The following EPHA5 variants were observed in gnomAD, a reference collection of about 807,000 sequenced individuals.
The protein encoded by EPHA5 is EPH receptor A5, also known as ephrin type-A receptor 5.
A neutral mutation model predicts 105.0 loss-of-function variants in EPHA5; 60 were observed. The ratio of observed to expected loss-of-function variants is 0.57; its 90% CI spans 0.46 to 0.71. EPHA5 has a LOEUF of 0.71. Among genes scored for constraint, EPHA5 ranks in the 30% least tolerant of loss-of-function variants. The probability of loss-of-function intolerance (pLI) is 0.00; values close to 1 mark genes in which losing one functional copy is unlikely to be tolerated. For missense variants in EPHA5, 1,218 were observed against 1,274.7 expected (o/e 0.96, Z 0.68); for synonymous variants, 513 against 449.1 (o/e 1.14, Z -1.80).
intron 1 of EPHA5, among the ~76,000 whole-genome samples, chr4:65,664,012 A>G (rs1245884960): frequency 1.3e-5 from 2 of 151,992 alleles, no homozygotes; most frequent in Non-Finnish European, 2.9e-5. Context: ...CAAAATTTAT[A>G]TTTAAAATTG....
chr4:65,619,467 T>C, intron 2 of EPHA5, among the ~76,000 whole-genome samples: 1 of 152,182 alleles, frequency 6.6e-6, no homozygotes, highest in East Asian at 1.9e-4. Context: ...TATAAAGCTT[T>C]ATTCAACTTA....
chr4:65,490,380 C>A lies in EPHA5; in HGVS notation c.1399G>T (p.Ala467Ser). The A allele has an allele frequency of 2.5e-6, 4 of 1,613,108 alleles. No homozygotes were observed. The highest frequency in any genetic ancestry group is 3.4e-6 in the Non-Finnish European group (4 of 1,179,186). Residue 467 changes from alanine to serine, a missense_variant, in exon 5 of 17, where the codon GCA (alanine) becomes TCA (serine). Transcript: ENST00000613740. The part of the protein sequence containing the change: ...YVSVNVTTNQ[A>S]APSPVTNVKK... Reference sequence around the variant, plus strand: ...TTGGGTTGGGCATGGCACTTACCTGCTTGATTTGTGGTTACATTTACAGAC... The same window carrying A: ...TTGGGTTGGGCATGGCACTTACCTGATTGATTTGTGGTTACATTTACAGAC...
chr4:65,348,731 GTATATATATGTGTGTGCA>G (rs1722497720), intron 13 of EPHA5, among the ~76,000 whole-genome samples: 1 of 112,434 alleles, frequency 8.9e-6, no homozygotes, highest in Non-Finnish European at 1.9e-5. Context: ...ATATGTGTGT[GTATATATATGTGTGTGCA>G]TATATATATG....
chr4:65,328,888 C>A (rs1442201342), intron 16 of EPHA5, among the ~76,000 whole-genome samples: 1 of 151,004 alleles, frequency 6.6e-6, no homozygotes, highest in Non-Finnish European at 1.5e-5. Flanking sequence ...TTCAATTAAT[C>A]TGTAAAGATT....
chr4:65,447,990 G>C (rs1200214862), intron 5 of EPHA5, among the ~76,000 whole-genome samples: 1 of 152,054 alleles, frequency 6.6e-6, no homozygotes, highest in Admixed American at 6.6e-5. Context: ...ATAGATGAAA[G>C]TGATAGATAT....
Position 65,554,981 on chromosome 4 carries a change from C to CAAAAAA in EPHA5, c.910+46654_910+46659dup, listed in dbSNP as rs71205383. 3.2e-3 allele frequency among the ~76,000 whole-genome samples: 300 copies of CAAAAAA among 92,492 alleles called. 4 individuals are homozygous for CAAAAAA. The highest frequency in any genetic ancestry group is 7.5e-3 in the East Asian group (19 of 2,530). The allele number at this position is 92,492 out of a possible 152,430, so 60.7% of individuals were successfully genotyped here. ...TTATCACTTCACCCCTATACAACAG[C>CAAAAAA]AAAAAAAAAAAAAAAAAAAAAAAAA... On this transcript the variant is annotated intron_variant, in intron 3 of 16. Transcript: ENST00000613740.
rs376009056 is a variant in EPHA5 at position 65,643,535 on chromosome 4, TAA to T, written c.182-110_182-109del. 4.2e-4 allele frequency: 353 copies of T among 848,560 alleles called. No homozygotes were observed. The African/African-American group carries it at 5.6e-3, about 14-fold the overall frequency. The allele number at this position is 848,560 out of a possible 1,614,324, so 52.6% of individuals were successfully genotyped here. A position where few individuals can be genotyped will look rare whatever the true frequency, so the allele number is the denominator to read the frequency against. On this transcript the variant is annotated intron_variant, in intron 1 of 16. Coordinates refer to ENST00000613740, the MANE Select transcript of EPHA5 (RefSeq NM_001281766.3). ...TGCATGTTGTTTACATAACTGAAAT[TAA>T]GTGTTCATTATGATGAATACAATGG...
At chr4:65,488,959 C>G (rs920906604) in intron 5 of EPHA5, among the ~76,000 whole-genome samples, 14 of 146,830 alleles carry the variant, frequency 9.5e-5, no homozygotes, top group Admixed American at 8.4e-4. Flanking sequence ...GATCTCGGCT[C>G]ACTGCAAGCT....
rs139496651 is a variant in EPHA5 at position 65,453,004 on chromosome 4, G to A, written c.1403-32439C>T. 3.1e-3 allele frequency among the ~76,000 whole-genome samples: 466 copies of A among 152,036 alleles called. 4 individuals are homozygous for A. The highest frequency in any genetic ancestry group is 0.011 in the African/African-American group (440 of 41,474). ...CTAGGAACTTCTTTCTTCAATCTTT[G>A]TCCATATAAACAATGGTTTTAGTGA... On this transcript the variant is annotated intron_variant, in intron 5 of 16. Transcript: ENST00000613740.
chr4:65,427,315 G>T (rs915700224), intron 5 of EPHA5, among the ~76,000 whole-genome samples: 7 of 151,056 alleles, frequency 4.6e-5, no homozygotes, highest in African/African-American at 1.7e-4. Flanking sequence ...CTCCCGAGTA[G>T]CTGGGGTTAA....
At chr4:65,664,775 A>G (rs1749826354) in intron 1 of EPHA5, among the ~76,000 whole-genome samples, 1 of 151,918 alleles carries the variant, frequency 6.6e-6, no homozygotes, top group African/African-American at 2.4e-5. Context: ...AAGAGTTGAC[A>G]TTTTTAGCTC....
rs142688567 is a variant in EPHA5, at chr4:65,496,038, G to T, written c.911-495C>A. Among the ~76,000 whole-genome samples, 235 of 152,258 alleles carry T rather than the reference G, an allele frequency of 1.5e-3. 2 individuals carry two copies. Among genetic ancestry groups the T allele is most frequent in the Middle Eastern group, 6.8e-3 (2 of 294 alleles). ...TGAATTCTGTTAGATTGGGGAGAATGCATAGATGACCTGATATATCAACTG... is the reference window on the plus strand; with the variant it reads ...TGAATTCTGTTAGATTGGGGAGAATTCATAGATGACCTGATATATCAACTG... On this transcript the variant is annotated intron_variant, in intron 3 of 16. Transcript: ENST00000613740.
Position 65,662,845 on chromosome 4 carries a change from C to A in EPHA5, c.181+6717G>T, listed in dbSNP as rs927298187. 9.9e-5 allele frequency among the ~76,000 whole-genome samples: 15 copies of A among 152,156 alleles called. No individual in the cohort carries two copies. In the South Asian group the frequency reaches 2.7e-3, roughly 27 times the overall value. On this transcript the variant is annotated intron_variant, in intron 1 of 16. Coordinates refer to ENST00000613740, the MANE Select transcript of EPHA5 (RefSeq NM_001281766.3). ...CCCTTTCTTCCAGCCTTCCAACAACCTTTCCACACACTCAGCACACACCCA... is the reference window on the plus strand; with the variant it reads ...CCCTTTCTTCCAGCCTTCCAACAACATTTCCACACACTCAGCACACACCCA...
rs558973390 is a variant in EPHA5, at chr4:65,570,511, C to T, written c.910+31130G>A. Among the ~76,000 whole-genome samples the T allele has an allele frequency of 1.1e-3, 163 of 150,944 alleles. 1 individual carries two copies. The highest frequency in any genetic ancestry group is 3.6e-3 in the African/African-American group (147 of 41,220). ...TGCAAATGTTCTGATTCCCCTTTTT[C>T]GGCCTTGAAATTGATTTAATATCTT... is the stretch of plus-strand genomic sequence containing the variant. On this transcript the variant is annotated intron_variant, in intron 3 of 16. Coordinates refer to ENST00000613740, the MANE Select transcript of EPHA5 (RefSeq NM_001281766.3).
intron 5 of EPHA5, among the ~76,000 whole-genome samples, chr4:65,489,008 C>T (rs186690575): frequency 0.011 from 1,599 of 151,744 alleles, 33 homozygotes; most frequent in African/African-American, 0.037. Flanking sequence ...GCCTCAGCCT[C>T]CCGAGTAGCT....
intron 1 of EPHA5, among the ~76,000 whole-genome samples, chr4:65,662,609 T>A (rs1749645394): frequency 6.6e-6 from 1 of 152,088 alleles, no homozygotes; most frequent in Non-Finnish European, 1.5e-5. Flanking sequence ...TGAAACAAAA[T>A]GAACTAGGGA....
intron 14 of EPHA5, among the ~76,000 whole-genome samples, chr4:65,343,596 T>C (rs1017839057): frequency 6.6e-6 from 1 of 152,214 alleles, no homozygotes; most frequent in Non-Finnish European, 1.5e-5. Context: ...CAAAGAAATA[T>C]TTAGTGATTG....
Position 65,670,451 on chromosome 4 carries a change from C to T in EPHA5, c.-709G>A, listed in dbSNP as rs894795861. The stretch of plus-strand genomic sequence containing the variant: ...GGCGGTGTGTGCGCGGCTGCGAAGT[C>T]GAGGTTGAAACTGCACCGCCAAGGC... On this transcript the variant is annotated 5_prime_UTR_variant, in exon 1 of 17. Coordinates refer to ENST00000613740, the MANE Select transcript of EPHA5 (RefSeq NM_001281766.3). 1 of 233,264 alleles carries T rather than the reference C, an allele frequency of 4.3e-6. No homozygotes were observed. Among genetic ancestry groups the T allele is most frequent in the Middle Eastern group, 1.3e-3 (1 of 788 alleles). The allele number at this position is 233,264 out of a possible 1,614,324, so 14.4% of individuals were successfully genotyped here.
At chr4:65,657,748 G>C (rs1749195522) in intron 1 of EPHA5, among the ~76,000 whole-genome samples, 1 of 151,916 alleles carries the variant, frequency 6.6e-6, no homozygotes, top group South Asian at 2.1e-4. Context: ...AAACAAATAA[G>C]TTACTTAATA....
Sources: allele counts gnomAD v4.1 joint callset (sites outside exome capture counted in the v4.1 genomes callset), GRCh38; gene constraint gnomAD v4.1.1; transcripts MANE v1.5; gene names NCBI Gene and HGNC (gene_info 2026-07-23, HGNC 2026-07-21).